The following PTN variants were observed in gnomAD, a reference collection of about 807,000 sequenced individuals.
PTN encodes the protein heparin affin regulatory protein.
In PTN, 18 loss-of-function variants were observed where a neutral mutation model predicts 24.1. The ratio of observed to expected loss-of-function variants is 0.75; its 90% CI spans 0.52 to 1.11. The LOEUF is 1.11. PTN is among the 50% of genes least tolerant of loss of function. The pLI is 0.00. For missense variants in PTN, 163 were observed against 198.8 expected, an observed-to-expected ratio of 0.82 and a Z score of 1.08; for synonymous variants, 78 against 68.6, an observed-to-expected ratio of 1.14 and a Z score of -0.67.
At chr7:137,338,023 G>A (rs1305904890) in intron 1 of PTN, among the ~76,000 whole-genome samples, 1 of 152,114 alleles carries the variant, frequency 6.6e-6, no homozygotes, top group Non-Finnish European at 1.5e-5. Context: ...GGGTGGGGCT[G>A]GTGTCAAATG....
intron 1 of PTN, among the ~76,000 whole-genome samples, chr7:137,327,710 G>GAA (rs900997114): frequency 4.4e-4 from 67 of 151,774 alleles, no homozygotes; most frequent in African/African-American, 1.6e-3. Context: ...TTCCTTCTCT[G>GAA]AAAAAAAACC....
intron 1 of PTN, among the ~76,000 whole-genome samples, chr7:137,297,921 T>C (rs1302836285): frequency 6.6e-6 from 1 of 151,914 alleles, no homozygotes; most frequent in Non-Finnish European, 1.5e-5. Context: ...GAATGGGGAA[T>C]GTTTCCAGGT....
chr7:137,320,838 A>G (rs1454072341), intron 1 of PTN, among the ~76,000 whole-genome samples: 1 of 152,098 alleles, frequency 6.6e-6, no homozygotes, highest in Non-Finnish European at 1.5e-5. Flanking sequence ...TTCATTGTCA[A>G]CCTGCCCTAC....
At chr7:137,317,708 G>T (rs1324895719) in intron 1 of PTN, among the ~76,000 whole-genome samples, 1 of 152,068 alleles carries the variant, frequency 6.6e-6, no homozygotes, top group Non-Finnish European at 1.5e-5. Context: ...TTATATGTGG[G>T]GCATTCAATA....
intron 1 of PTN, among the ~76,000 whole-genome samples, chr7:137,260,388 G>T (rs953502418): frequency 1.3e-5 from 2 of 152,068 alleles, no homozygotes; most frequent in African/African-American, 4.8e-5. Context: ...CATGTGAGAA[G>T]GCTTTACATG....
intron 1 of PTN, among the ~76,000 whole-genome samples, chr7:137,304,531 G>A (rs322350): frequency 0.98 from 149,519 of 152,108 alleles, 73,543 homozygotes; most frequent in East Asian, 1. Context: ...TTTATTGCCT[G>A]AAAAGAGAAC....
chr7:137,329,373 A>T (rs1473859242), intron 1 of PTN, among the ~76,000 whole-genome samples: 1 of 152,136 alleles, frequency 6.6e-6, no homozygotes, highest in African/African-American at 2.4e-5. Flanking sequence ...AGTTCCTAGG[A>T]GCAACGTTTT....
Position 137,335,565 on chromosome 7 carries a change from C to G in PTN, c.-2+7874G>C, listed in dbSNP as rs74960177. On this transcript the variant is annotated intron_variant, in intron 1 of 4. Transcript: ENST00000348225. The stretch of plus-strand genomic sequence containing the variant: ...CATTCTGATTTGTCTCCTGTTCCCT[C>G]AAGTTTGTTGAATTAAACTGTTGTG... Among the ~76,000 whole-genome samples the G allele has an allele frequency of 8.5e-3, 1,298 of 152,272 alleles. 19 individuals carry two copies. The highest frequency in any genetic ancestry group is 0.03 in the African/African-American group (1,231 of 41,550).
intron 4 of PTN, chr7:137,236,073 A>C: frequency 1.5e-6 from 1 of 656,924 alleles, no homozygotes; most frequent in Non-Finnish European, 2.8e-6. Flanking sequence ...AGATGAAATT[A>C]CTTCATCAAC....
chr7:137,271,956 T>C (rs1189551283), intron 1 of PTN, among the ~76,000 whole-genome samples: 2 of 152,230 alleles, frequency 1.3e-5, no homozygotes, highest in Non-Finnish European at 2.9e-5. Flanking sequence ...AGACCCATAA[T>C]ATCTTTTCTC....
chr7:137,296,281 C>T (rs945518507), intron 1 of PTN, among the ~76,000 whole-genome samples: 1 of 151,996 alleles, frequency 6.6e-6, no homozygotes, highest in Non-Finnish European at 1.5e-5. Flanking sequence ...ATAAATATTT[C>T]TGTAAGCAAT....
intron 1 of PTN, chr7:137,325,842 A>C (rs2290268): frequency 0.4 from 61,153 of 152,094 alleles, 12,518 homozygotes; most frequent in South Asian, 0.48. Context: ...AAATTATAGA[A>C]GCCTCTCCTC....
intron 1 of PTN, among the ~76,000 whole-genome samples, chr7:137,285,317 A>T (rs917458765): frequency 6.6e-6 from 1 of 152,198 alleles, no homozygotes; most frequent in African/African-American, 2.4e-5. Context: ...ACTAACACTC[A>T]AATAGATTAG....
At chr7:137,233,999 TAGAG>T (rs749369343) in intron 4 of PTN, among the ~76,000 whole-genome samples, 73 of 150,438 alleles carry the variant, frequency 4.9e-4, no homozygotes, top group East Asian at 2.7e-3. Context: ...CACACATACA[TAGAG>T]AGAGAGAGAT....
At chr7:137,293,074 T>C (rs760632901) in intron 1 of PTN, among the ~76,000 whole-genome samples, 4 of 152,186 alleles carry the variant, frequency 2.6e-5, no homozygotes, top group Non-Finnish European at 5.9e-5. Flanking sequence ...TCATGACACT[T>C]ACCATTTTGC....
chr7:137,235,084 C>G (rs1323532093), intron 4 of PTN, among the ~76,000 whole-genome samples: 1 of 152,054 alleles, frequency 6.6e-6, no homozygotes, highest in Non-Finnish European at 1.5e-5. Flanking sequence ...ATCAAGACCA[C>G]TGAAAGTTCA....
At chr7:137,336,384 G>T (rs1178336975) in intron 1 of PTN, among the ~76,000 whole-genome samples, 2 of 152,116 alleles carry the variant, frequency 1.3e-5, no homozygotes, top group African/African-American at 2.4e-5. Context: ...ATCAGCAGGG[G>T]TCAGAGAGAA....
intron 1 of PTN, among the ~76,000 whole-genome samples, chr7:137,261,294 A>G (rs901727370): frequency 4.6e-5 from 7 of 152,082 alleles, no homozygotes; most frequent in Non-Finnish European, 7.4e-5. Context: ...TTTCCAGCCC[A>G]TTTTCTGTGA....
chr7:137,322,621 C>T (rs575757190), intron 1 of PTN, among the ~76,000 whole-genome samples: 1 of 152,208 alleles, frequency 6.6e-6, no homozygotes, highest in Admixed American at 6.5e-5. Flanking sequence ...TATACAGCCA[C>T]ATAAAACATT....
Sources: gnomAD v4.1 joint callset for allele counts (sites outside exome capture counted in the v4.1 genomes callset) on GRCh38, gnomAD v4.1.1 for gene constraint, MANE v1.5 for transcripts, NCBI Gene and HGNC (gene_info 2026-07-23, HGNC 2026-07-21) for gene names.